Variants in TNK2 observed in about 807,000 individuals in gnomAD.
TNK2 encodes the protein activated CDC42 kinase 1.
A neutral mutation model predicts 101.8 loss-of-function variants in TNK2; 83 were observed. The observed-to-expected ratio is 0.82, with a 90% CI of 0.68 to 0.98. The LOEUF (loss-of-function observed/expected upper bound fraction) is 0.98. TNK2 is among the 50% of genes least tolerant of loss of function. TNK2 has a pLI of 0.00. For synonymous variants in TNK2, 804 were observed against 633.0 expected, an observed-to-expected ratio of 1.27 and a Z score of -4.06; for missense variants, 1,665 against 1,483.2, an observed-to-expected ratio of 1.12 and a Z score of -2.01.
At chr3:195,869,385 A>ACCCCCCC in intron 12 of TNK2, 112 bp downstream of exon 12, 13 of 892,976 alleles carry the variant, frequency 1.5e-5, no homozygotes, top group East Asian at 5.5e-5. Context: ...CACAGCACAC[A>ACCCCCCC]CCCACCCACC....
intron 9 of TNK2, chr3:195,876,881 T>C (rs532857421): frequency 3.3e-4 from 118 of 353,440 alleles, no homozygotes; most frequent in African/African-American, 1.9e-3. Context: ...CACAGGCCAC[T>C]CTGAGTCACC....
At chr3:195,884,031 C>T (rs1754482499) in intron 4 of TNK2, 1 of 152,362 alleles carries the variant, frequency 6.6e-6, no homozygotes, top group Admixed American at 6.5e-5. Flanking sequence ...TGGGAATGCA[C>T]CGCACGTGAT....
rs762122882 is a variant in TNK2, at chr3:195,879,204, C to T, written c.888-29G>A. On this transcript the variant is annotated intron_variant, in intron 6 of 15. Coordinates refer to ENST00000672887, the MANE Select transcript of TNK2 (RefSeq NM_001382273.1). ...GCAGAGGCAGGGGTCAAAGAGAAGC[C>T]CTCTCAAACACCCTACCTGCGTCCG... is the stretch of plus-strand genomic sequence containing the variant. 2.3e-5 allele frequency: 37 copies of T among 1,611,608 alleles called. No individual in the cohort carries two copies. The Admixed American group carries it at 6.2e-4, about 27-fold the overall frequency.
chr3:195,865,136 C>T (rs1324583100), intron 15 of TNK2, among the ~76,000 whole-genome samples: 2 of 116,886 alleles, frequency 1.7e-5, no homozygotes, highest in East Asian at 2.9e-4. Context: ...CAGGTGACAG[C>T]GAGTGCCTGC....
chr3:195,891,936 C>A (rs762465978), intron 1 of TNK2: 1 of 989,228 alleles, frequency 1.0e-6, no homozygotes, highest in Non-Finnish European at 1.2e-6. Flanking sequence ...GCACTCCATG[C>A]TCCCTGACCC....
intron 9 of TNK2, chr3:195,876,340 T>C (rs1577036536): frequency 2.2e-6 from 1 of 449,448 alleles, no homozygotes; most frequent in South Asian, 1.6e-5. Flanking sequence ...AAACAAATAC[T>C]GGACACAGCT....
At chr3:195,873,922 T>C (rs1421265797) in intron 9 of TNK2, among the ~76,000 whole-genome samples, 1 of 151,978 alleles carries the variant, frequency 6.6e-6, no homozygotes, top group Non-Finnish European at 1.5e-5. Context: ...ACAGCCACCC[T>C]GTGATTCCCA....
intron 1 of TNK2, among the ~76,000 whole-genome samples, chr3:195,906,901 G>C (rs926839328): frequency 5.3e-5 from 8 of 152,140 alleles, no homozygotes. Flanking sequence ...CTCCGGGGAG[G>C]TGGGCACCAG....
In TNK2 at chr3:195,885,636, G is replaced by A. The variant is rs1386889452; in HGVS notation, c.235-603C>T. 7.9e-7 allele frequency: 1 copy of A among 1,267,928 alleles called. No individual in the cohort carries two copies. The highest frequency in any genetic ancestry group is 1.0e-6 in the Non-Finnish European group (1 of 969,138). The allele number at this position is 1,267,928 out of a possible 1,614,324, so 78.5% of individuals were successfully genotyped here. ...CTAGTCCTTGCTGGGAAGGGGCCTGGGAAGACAGCTGGGTCTCTGGAGGGG... is the reference window on the plus strand; with the variant it reads ...CTAGTCCTTGCTGGGAAGGGGCCTGAGAAGACAGCTGGGTCTCTGGAGGGG... On this transcript the variant is annotated intron_variant, in intron 3 of 15. Coordinates refer to ENST00000672887, the MANE Select transcript of TNK2 (RefSeq NM_001382273.1). The surrounding 1 kb of genome is among the most constrained non-coding windows in gnomAD (Gnocchi z 4.7).
intron 1 of TNK2, among the ~76,000 whole-genome samples, chr3:195,891,360 C>G (rs545179241): frequency 2.9e-4 from 44 of 152,356 alleles, no homozygotes; most frequent in African/African-American, 9.9e-4. Context: ...GAGCCAAGAT[C>G]GTGCCATTGC....
intron 9 of TNK2, among the ~76,000 whole-genome samples, chr3:195,877,999 A>C (rs1750386040): frequency 6.6e-6 from 1 of 152,000 alleles, no homozygotes; most frequent in Admixed American, 6.5e-5. Context: ...CCCCTCCATA[A>C]AGGCAGCCTG....
At chr3:195,869,893 G>C (rs960621642) in intron 11 of TNK2, 27 of 561,992 alleles carry the variant, frequency 4.8e-5, no homozygotes, top group African/African-American at 4.5e-4. Flanking sequence ...GGGCGGACGG[G>C]CCTGCTGCAG....
intron 1 of TNK2, among the ~76,000 whole-genome samples, chr3:195,901,650 C>G (rs1375079553): frequency 6.6e-6 from 1 of 152,174 alleles, no homozygotes; most frequent in African/African-American, 2.4e-5. Context: ...AAGTCATAGC[C>G]TGGGTCCTCA....
chr3:195,879,455 T>TCA, intron 6 of TNK2: 3 of 331,104 alleles, frequency 9.1e-6, no homozygotes, highest in Non-Finnish European at 1.7e-5. Context: ...AGGAAGGAGG[T>TCA]CAGAGGCTCT....
At chr3:195,870,058 G>A (rs750989031) in intron 11 of TNK2, 56 bp downstream of exon 11, 19 of 1,309,156 alleles carry the variant, frequency 1.5e-5, no homozygotes, top group Non-Finnish European at 2.0e-5. Context: ...TGAAGACAGT[G>A]CCCCTTCCTG....
At chr3:195,895,418 C>T in intron 1 of TNK2, 1 of 1,518,006 alleles carries the variant, frequency 6.6e-7, no homozygotes, top group Non-Finnish European at 8.8e-7. Context: ...CTCGAGCATC[C>T]TCCAGAAGTG....
chr3:195,898,777 C>T (rs1430984417), intron 1 of TNK2, among the ~76,000 whole-genome samples: 1 of 152,182 alleles, frequency 6.6e-6, no homozygotes, highest in Non-Finnish European at 1.5e-5. Flanking sequence ...AAGCACCAGC[C>T]ACCATGTCCG....
Position 195,867,484 on chromosome 3 carries a change from G to C in TNK2, c.2814C>G (p.Phe938Leu), listed in dbSNP as rs953766393. The C allele has an allele frequency of 6.3e-7, 1 of 1,575,936 alleles. No homozygotes were observed. The highest frequency in any genetic ancestry group is 1.1e-5 in the South Asian group (1 of 88,304). The change falls in exon 13 of 16, where the codon TTC becomes TTG. Residue 938 changes from phenylalanine (F) to leucine (L), a missense_variant. Physicochemically the swap from Phe to Leu is conservative, Grantham distance 22. This residue lies in a region of TNK2 where 1,136 missense variants were observed against 894.9 expected (regional missense o/e 1.27). Transcript: ENST00000672887. ...CCCCTGGGTTGCTGTTGTTGGTGGA[G>C]AAGTTGGCCTTGGGGTCCAAGGCAG... ...PQAALDPKANFSTNNSNPGAR... is the reference protein window; with the variant it reads ...PQAALDPKANLSTNNSNPGAR...
intron 1 of TNK2, among the ~76,000 whole-genome samples, chr3:195,904,867 C>A (rs1171554811): frequency 1.3e-5 from 2 of 152,166 alleles, no homozygotes; most frequent in Non-Finnish European, 2.9e-5. Flanking sequence ...TAGACAAATA[C>A]AGAGATATAC....
Sources: gnomAD v4.1 joint callset for allele counts (sites outside exome capture counted in the v4.1 genomes callset) on GRCh38, gnomAD v4.1.1 for gene constraint, gnomAD v4.1.1 regional missense constraint, Gnocchi (gnomAD v3.1) non-coding constraint, MANE v1.5 for transcripts, NCBI Gene and HGNC (gene_info 2026-07-23, HGNC 2026-07-21) for gene names.